ZNHIT6: variants seen among roughly 807,000 people sequenced by gnomAD.
The protein encoded by ZNHIT6 is zinc finger HIT-type containing 6.
ZNHIT6 carries 45 observed loss-of-function variants against 57.2 expected under a neutral mutation model. That is an observed-to-expected ratio of 0.79 (90% CI 0.62 to 1.01). ZNHIT6 has a LOEUF of 1.01. Ranked by LOEUF, ZNHIT6 falls within the 50% of genes least tolerant of loss-of-function variation. ZNHIT6 has a pLI of 0.00. For missense variants in ZNHIT6, 528 were observed against 567.3 expected (o/e 0.93, Z 0.70); for synonymous variants, 188 against 190.0 (o/e 0.99, Z 0.09).
At chr1:85,687,117 A>T (rs1354335483) in intron 5 of ZNHIT6, among the ~76,000 whole-genome samples, 1 of 151,216 alleles carries the variant, frequency 6.6e-6, no homozygotes, top group African/African-American at 2.4e-5. Flanking sequence ...TAAAAATACA[A>T]AAAACAAAAA....
chr1:85,667,614 T>C (rs976242454), intron 8 of ZNHIT6, among the ~76,000 whole-genome samples: 3 of 122,604 alleles, frequency 2.4e-5, no homozygotes, highest in African/African-American at 9.4e-5. Flanking sequence ...TAATTTAACA[T>C]CAATATCATC....
intron 8 of ZNHIT6, among the ~76,000 whole-genome samples, chr1:85,670,450 T>C (rs937026732): frequency 1.3e-5 from 2 of 152,030 alleles, no homozygotes; most frequent in African/African-American, 4.8e-5. Flanking sequence ...TATACACACA[T>C]ATATATATTT....
rs1301971026 is a variant in ZNHIT6 at position 85,651,062 on chromosome 1, A to T, written c.*2996T>A. On this transcript the variant is annotated 3_prime_UTR_variant, in exon 10 of 10. Transcript: ENST00000370574. Reference sequence around the variant, plus strand: ...TTAGTAACATGAAATAAGGTACAACACAAAGTATATGTCAACATAATTAAA... The same window carrying T: ...TTAGTAACATGAAATAAGGTACAACTCAAAGTATATGTCAACATAATTAAA... 1.3e-5 allele frequency: 2 copies of T among 152,220 alleles called. No homozygotes were observed. The highest frequency in any genetic ancestry group is 4.8e-5 in the African/African-American group (2 of 41,442). The allele number at this position is 152,220 out of a possible 1,614,324, so 9.4% of individuals were successfully genotyped here. A position where few individuals can be genotyped will look rare whatever the true frequency, so the allele number is the denominator to read the frequency against.
At chr1:85,665,105 C>T (rs758188400) in intron 8 of ZNHIT6, among the ~76,000 whole-genome samples, 7 of 151,484 alleles carry the variant, frequency 4.6e-5, no homozygotes, top group Non-Finnish European at 8.8e-5. Context: ...CTCTCTTGTT[C>T]AGTACCAACA....
intron 8 of ZNHIT6, among the ~76,000 whole-genome samples, chr1:85,674,445 T>A (rs1661647193): frequency 1.3e-5 from 2 of 152,206 alleles, no homozygotes; most frequent in South Asian, 4.2e-4. Context: ...TAGGCTCAGG[T>A]TTAGTATCAA....
intron 8 of ZNHIT6, among the ~76,000 whole-genome samples, chr1:85,669,511 A>G (rs1243907748): frequency 6.6e-6 from 1 of 152,202 alleles, no homozygotes; most frequent in African/African-American, 2.4e-5. Flanking sequence ...AAAATTATTA[A>G]CTAAAACCAG....
In ZNHIT6 at chr1:85,706,458, T is replaced by C. The variant is rs751807545; in HGVS notation, c.706A>G (p.Met236Val). The stretch of plus-strand genomic sequence containing the variant: ...CATGTATACCTGCAGGAATATCGCA[T>C]ACAACGTGGACATCTGTACTTTGCT... Reference protein sequence around the residue: ...EEAKYRCPRCMRYSCSLPCVK... With the variant: ...EEAKYRCPRCVRYSCSLPCVK... The change falls in exon 2 of 10, where the codon ATG becomes GTG. Residue 236 changes from methionine to valine, a missense_variant. Transcript: ENST00000370574. The C allele has an allele frequency of 6.2e-7, 1 of 1,610,792 alleles. No homozygotes were observed. Among genetic ancestry groups the C allele is most frequent in the South Asian group, 1.1e-5 (1 of 90,432 alleles).
chr1:85,666,378 CTT>C (rs1249052681), intron 8 of ZNHIT6, among the ~76,000 whole-genome samples: 1 of 152,146 alleles, frequency 6.6e-6, no homozygotes, highest in East Asian at 1.9e-4. Context: ...TAAAATATCA[CTT>C]GTTTTTAGAG....
intron 5 of ZNHIT6, among the ~76,000 whole-genome samples, chr1:85,691,404 TAAG>T (rs1266369030): frequency 1.3e-5 from 2 of 152,182 alleles, no homozygotes; most frequent in Non-Finnish European, 2.9e-5. Flanking sequence ...GAGAGGGGGA[TAAG>T]AAGGAGTTAA....
At chr1:85,680,999 A>G in intron 5 of ZNHIT6, 95 bp from the exon 6 acceptor site, 1 of 816,518 alleles carries the variant, frequency 1.2e-6, no homozygotes, top group African/African-American at 1.7e-5. Flanking sequence ...GATAATTCCA[A>G]AATTATTCTT....
chr1:85,675,442 A>C (rs1661674657), intron 8 of ZNHIT6, among the ~76,000 whole-genome samples: 1 of 152,186 alleles, frequency 6.6e-6, no homozygotes, highest in Admixed American at 6.5e-5. Context: ...TAGACTTAAA[A>C]TATTCAGTAA....
chr1:85,704,948 G>A (rs1662637660), intron 4 of ZNHIT6, among the ~76,000 whole-genome samples: 1 of 152,098 alleles, frequency 6.6e-6, no homozygotes, highest in Non-Finnish European at 1.5e-5. Context: ...TGAAAATTAA[G>A]TGTATTAGAA....
intron 8 of ZNHIT6, among the ~76,000 whole-genome samples, chr1:85,666,612 A>C (rs1162034772): frequency 6.6e-6 from 1 of 152,076 alleles, no homozygotes; most frequent in South Asian, 2.1e-4. Flanking sequence ...TCCGGTAAAC[A>C]CTCACCGAAC....
Position 85,707,930 on chromosome 1 carries a change from G to A in ZNHIT6, c.355C>T (p.Gln119Ter). Residue 119 changes from glutamine (Q) to a stop codon, truncating the protein, a stop_gained, in exon 1 of 10, where the codon CAG becomes TAG. Transcript: ENST00000370574. LOFTEE classifies it high-confidence loss of function. ...ACCACTAAACTACTATCCGTCTCCTGCTTCACCTCCAATACGCCTGCGTTC... is the reference window on the plus strand; with the variant it reads ...ACCACTAAACTACTATCCGTCTCCTACTTCACCTCCAATACGCCTGCGTTC... ...DENAGVLEVK[Q>*]ETDSSLVVKE... 6.2e-7 allele frequency: 1 copy of A among 1,613,870 alleles called. No individual in the cohort carries two copies. The highest frequency in any genetic ancestry group is 8.5e-7 in the Non-Finnish European group (1 of 1,180,006).
At chr1:85,704,687 G>A (rs1662630619) in intron 4 of ZNHIT6, among the ~76,000 whole-genome samples, 1 of 152,168 alleles carries the variant, frequency 6.6e-6, no homozygotes, top group Non-Finnish European at 1.5e-5. Flanking sequence ...GGAAAAATAA[G>A]AGTTGCTATA....
chr1:85,706,933 A>C (rs1268775086), intron 1 of ZNHIT6, among the ~76,000 whole-genome samples: 1 of 152,210 alleles, frequency 6.6e-6, no homozygotes, highest in Admixed American at 6.5e-5. Flanking sequence ...TTTAGAGAGT[A>C]GTAGTAGCAC....
intron 8 of ZNHIT6, among the ~76,000 whole-genome samples, chr1:85,666,211 G>C (rs1010003364): frequency 2.0e-5 from 3 of 152,196 alleles, no homozygotes; most frequent in African/African-American, 7.2e-5. Flanking sequence ...TAGGTCTATG[G>C]AACTGGGTAG....
In ZNHIT6 at chr1:85,702,163, T is replaced by C. The variant is rs760752818; in HGVS notation, c.1013A>G (p.Asp338Gly). The C allele has an allele frequency of 2.5e-6, 4 of 1,599,992 alleles. No individual in the cohort carries two copies. The South Asian group carries it at 3.4e-5, about 14-fold the overall frequency. ...TAAAAAGTTAGAAACTTACTTCTTA[T>C]CAAAAAAGGTTGAATTCTCCTTCCT... ...TKRKENSTFF[D>G]KKKQQFCWHV... The change falls in exon 5 of 10, where the codon GAT becomes GGT. Residue 338 changes from aspartate to glycine, a missense_variant. Asp to Gly is a moderately conservative substitution (Grantham distance 94). Coordinates refer to ENST00000370574, the MANE Select transcript of ZNHIT6 (RefSeq NM_017953.4).
At chr1:85,661,651 G>A (rs1403071348) in intron 8 of ZNHIT6, among the ~76,000 whole-genome samples, 2 of 152,084 alleles carry the variant, frequency 1.3e-5, no homozygotes, top group Non-Finnish European at 1.5e-5. Flanking sequence ...GAATGTTTCT[G>A]TTTCCACTAT....
Sources: gnomAD v4.1 joint callset for allele counts (sites outside exome capture counted in the v4.1 genomes callset) on GRCh38, gnomAD v4.1.1 for gene constraint, MANE v1.5 for transcripts, NCBI Gene and HGNC (gene_info 2026-07-23, HGNC 2026-07-21) for gene names.